Variants in BMP3 observed in about 807,000 individuals in gnomAD.
The protein encoded by BMP3 is bone morphogenetic protein 3.
In BMP3, 23 loss-of-function variants were observed where a neutral mutation model predicts 38.1. The observed-to-expected ratio is 0.60, with a 90% confidence interval of 0.43 to 0.86. The LOEUF is 0.86. BMP3 is among the 40% of genes least tolerant of loss of function. The pLI is 0.00. For synonymous variants in BMP3, 258 were observed against 225.7 expected, an observed-to-expected ratio of 1.14 and a Z score of -1.28; for missense variants, 628 against 579.6, an observed-to-expected ratio of 1.08 and a Z score of -0.86.
At chr4:81,033,323 G>T (rs1739827730) in intron 1 of BMP3, among the ~76,000 whole-genome samples, 1 of 152,178 alleles carries the variant, frequency 6.6e-6, no homozygotes, top group African/African-American at 2.4e-5. Context: ...CATGGATAAA[G>T]ATTTTAACAA....
chr4:81,037,580 G>T (rs1444522720), intron 1 of BMP3, among the ~76,000 whole-genome samples: 1 of 152,078 alleles, frequency 6.6e-6, no homozygotes, highest in Non-Finnish European at 1.5e-5. Flanking sequence ...TAAAAGTTTT[G>T]AAGTCCTATA....
In BMP3 at chr4:81,056,690, G is replaced by A. The variant is rs1356762942; in HGVS notation, c.*3154G>A. ...GAAGACTGGATTCCTCAGATCTCAG[G>A]ACTATAACATTCCAGATAAATTTTT... On this transcript the variant is annotated 3_prime_UTR_variant, in exon 3 of 3. Coordinates refer to ENST00000282701, the MANE Select transcript of BMP3 (RefSeq NM_001201.5). 6.6e-6 allele frequency: 1 copy of A among 152,426 alleles called. No homozygotes were observed. Among genetic ancestry groups the A allele is most frequent in the East Asian group, 1.9e-4 (1 of 5,192 alleles). 9.4% of individuals were successfully genotyped at this position (152,426 alleles called of 1,614,324 possible).
rs5859748 is a variant in BMP3, at chr4:81,032,194, C to CAAAAAAAAAAAAAAAAA, written c.316+604_316+620dup. Among the ~76,000 whole-genome samples, 17 of 74,038 alleles carry CAAAAAAAAAAAAAAAAA rather than the reference C, an allele frequency of 2.3e-4. 2 individuals carry two copies. The highest frequency in any genetic ancestry group is 8.2e-4 in the African/African-American group (17 of 20,696). The allele number at this position is 74,038 out of a possible 152,430, so 48.6% of individuals were successfully genotyped here. A position where few individuals can be genotyped will look rare whatever the true frequency, so the allele number is the denominator to read the frequency against. ...ACTTTACTTGATAGTTCCTTAGTGG[C>CAAAAAAAAAAAAAAAAA]AAAAAAAAAAAAAAAAAAAAAAAAA... On this transcript the variant is annotated intron_variant, in intron 1 of 2. Transcript: ENST00000282701.
rs1740518683 is a variant in BMP3, at chr4:81,055,232, C to T, written c.*1696C>T. Reference sequence around the variant, plus strand: ...AAATGAAAGAACATCCTATACTTCGCTGTTTGTAAATTAGTATGGCATTCG... The same window carrying T: ...AAATGAAAGAACATCCTATACTTCGTTGTTTGTAAATTAGTATGGCATTCG... On this transcript the variant is annotated 3_prime_UTR_variant, in exon 3 of 3. Transcript: ENST00000282701. 1.3e-5 allele frequency: 2 copies of T among 152,152 alleles called. No homozygotes were observed. The highest frequency in any genetic ancestry group is 2.9e-5 in the Non-Finnish European group (2 of 68,030). The allele number at this position is 152,152 out of a possible 1,614,324, so 9.4% of individuals were successfully genotyped here. A position where few individuals can be genotyped will look rare whatever the true frequency, so the allele number is the denominator to read the frequency against.
At chr4:81,053,182 G>A (rs1740441514) in intron 2 of BMP3, among the ~76,000 whole-genome samples, 163 bp from the exon 3 acceptor site, 1 of 152,138 alleles carries the variant, frequency 6.6e-6, no homozygotes, top group South Asian at 2.1e-4. Flanking sequence ...AACCATTTTG[G>A]TAGTGGTGGG....
chr4:81,053,311 A>C, intron 2 of BMP3, 34 bp from the exon 3 acceptor site: 19 of 1,441,270 alleles, frequency 1.3e-5, no homozygotes, highest in Non-Finnish European at 1.6e-5. Context: ...AGTTCCACCT[A>C]ACATATGTGT....
chr4:81,042,475 T>C (rs1281161976), intron 1 of BMP3, among the ~76,000 whole-genome samples: 5 of 152,292 alleles, frequency 3.3e-5, no homozygotes, highest in Non-Finnish European at 5.9e-5. Context: ...TGTAGTGAAA[T>C]TGCAACTGGA....
At position 81,044,369 on chromosome 4, in the gene BMP3, T is replaced by A. The variant is rs189544107; in HGVS notation, c.317-1369T>A. On this transcript the variant is annotated intron_variant, in intron 1 of 2. Transcript: ENST00000282701. The stretch of plus-strand genomic sequence containing the variant: ...TGGCTGATCCTTGCTAACCTTTTTT[T>A]GTCTTTTAAAATTATTCCTGTTTAT... Among the ~76,000 whole-genome samples the A allele has an allele frequency of 3.9e-5, 6 of 152,324 alleles. No homozygotes were observed. In the East Asian group the frequency reaches 1.2e-3, roughly 29 times the overall value.
rs1214304649 is a variant in BMP3, at chr4:81,030,741, ACGCG to A, written c.-530_-527del. 4.0e-5 allele frequency among the ~76,000 whole-genome samples: 6 copies of A among 151,274 alleles called. No homozygotes were observed. The highest frequency in any genetic ancestry group is 6.6e-5 in the Admixed American group (1 of 15,236). On this transcript the variant is annotated 5_prime_UTR_variant, in exon 1 of 3. Coordinates refer to ENST00000282701, the MANE Select transcript of BMP3 (RefSeq NM_001201.5). ...CTCATACACACACACACACGCACAC[ACGCG>A]CGCGCGCGCGCGCACACACACACAC...
chr4:81,042,767 T>A (rs780779451), intron 1 of BMP3, among the ~76,000 whole-genome samples: 1 of 152,254 alleles, frequency 6.6e-6, no homozygotes, highest in Non-Finnish European at 1.5e-5. Context: ...GCATGTTTGT[T>A]TGGCAACCAT....
At position 81,031,262 on chromosome 4, in the gene BMP3, A is replaced by G. The variant is rs1192566006; in HGVS notation, c.-23A>G. 1.3e-6 allele frequency: 2 copies of G among 1,561,234 alleles called. No homozygotes were observed. Among genetic ancestry groups the G allele is most frequent in the Non-Finnish European group, 1.7e-6 (2 of 1,153,774 alleles). ...TGTCCCGCAGCGACGCCGGGAGCCGACGCGCCGCGCGGGTACCTAGCCATG... is the reference window on the plus strand; with the variant it reads ...TGTCCCGCAGCGACGCCGGGAGCCGGCGCGCCGCGCGGGTACCTAGCCATG... On this transcript the variant is annotated 5_prime_UTR_variant, in exon 1 of 3. Transcript: ENST00000282701.
chr4:81,049,008 A>G (rs1740335467), intron 2 of BMP3, among the ~76,000 whole-genome samples: 1 of 152,238 alleles, frequency 6.6e-6, no homozygotes, highest in Non-Finnish European at 1.5e-5. Context: ...GACTCTTTGG[A>G]GAAGTTATTC....
rs1277790510 is a variant in BMP3 at position 81,053,354 on chromosome 4, C to T, written c.1237C>T (p.Pro413Ser). Residue 413 changes from proline (P) to serine (S), a missense_variant, in exon 3 of 3, where the codon CCA becomes TCA. Transcript: ENST00000282701. ...TCATTTCTTTCTCTAGTCTTTGAAG[C>T]CATCAAATCATGCTACCATCCAGAG... ...CQFPMPKSLKPSNHATIQSIV... is the reference protein window; with the variant it reads ...CQFPMPKSLKSSNHATIQSIV... The T allele has an allele frequency of 6.4e-7, 1 of 1,565,734 alleles. No homozygotes were observed. The highest frequency in any genetic ancestry group is 8.6e-7 in the Non-Finnish European group (1 of 1,161,508).
At chr4:81,050,844 T>C (rs545762389) in intron 2 of BMP3, among the ~76,000 whole-genome samples, 62 of 152,290 alleles carry the variant, frequency 4.1e-4, no homozygotes, top group African/African-American at 1.3e-3. Context: ...AATTGATATA[T>C]TAATTTTTTA....
At chr4:81,038,170 G>T (rs1389307853) in intron 1 of BMP3, among the ~76,000 whole-genome samples, 1 of 152,060 alleles carries the variant, frequency 6.6e-6, no homozygotes, top group African/African-American at 2.4e-5. Context: ...ATAATGGTAA[G>T]CTTTTTAAAA....
rs1449353517 is a variant in BMP3, at chr4:81,046,193, A to G, written c.772A>G (p.Ser258Gly). 15 of 1,614,110 alleles carry G rather than the reference A, an allele frequency of 9.3e-6. No individual in the cohort carries two copies. The highest frequency in any genetic ancestry group is 1.3e-5 in the Non-Finnish European group (15 of 1,180,032). ...AISEPESVVS[S>G]LQGHRNFPTG... is the part of the protein sequence containing the mutation. ...TTCTGAGCCAGAAAGTGTGGTATCA[A>G]GCTTACAGGGACACCGGAATTTTCC... Residue 258 changes from serine (S) to glycine (G), a missense_variant, in exon 2 of 3, where the codon AGC becomes GGC. Physicochemically the swap from Ser to Gly is moderately conservative, Grantham distance 56 (BLOSUM62 0). Coordinates refer to ENST00000282701, the MANE Select transcript of BMP3 (RefSeq NM_001201.5).
chr4:81,034,035 A>G (rs536176737), intron 1 of BMP3, among the ~76,000 whole-genome samples: 1 of 152,302 alleles, frequency 6.6e-6, no homozygotes, highest in Non-Finnish European at 1.5e-5. Flanking sequence ...GTGCCTTGGT[A>G]CATACCTGAT....
intron 2 of BMP3, among the ~76,000 whole-genome samples, chr4:81,049,611 A>G (rs1740350835): frequency 6.6e-6 from 1 of 152,114 alleles, no homozygotes; most frequent in African/African-American, 2.4e-5. Flanking sequence ...TTAACTTTTA[A>G]AGCTTTCTAG....
At chr4:81,052,483 C>T (rs1740422253) in intron 2 of BMP3, among the ~76,000 whole-genome samples, 1 of 152,132 alleles carries the variant, frequency 6.6e-6, no homozygotes, top group African/African-American at 2.4e-5. Flanking sequence ...TTAGTGGTCC[C>T]ATTTGGCATT....
Sources: gnomAD v4.1 joint callset for allele counts (sites outside exome capture counted in the v4.1 genomes callset) on GRCh38, gnomAD v4.1.1 for gene constraint, MANE v1.5 for transcripts, NCBI Gene and HGNC (gene_info 2026-07-23, HGNC 2026-07-21) for gene names.